Variants in OR6N2 observed in about 807,000 individuals in gnomAD.
OR6N2 encodes olfactory receptor family 6 subfamily N member 2, also known as olfactory receptor 6N2.
For synonymous variants in OR6N2, 160 were observed against 138.3 expected, an observed-to-expected ratio of 1.16 and a Z score of -1.10; for missense variants, 399 against 379.7, an observed-to-expected ratio of 1.05 and a Z score of -0.42.
chr1:158,775,171 G>A lies in OR6N2; in HGVS notation c.*1511C>T, dbSNP rs1001040670. 1.3e-5 allele frequency: 2 copies of A among 152,126 alleles called. No individual in the cohort carries two copies. Among genetic ancestry groups the A allele is most frequent in the Admixed American group, 1.3e-4 (2 of 15,278 alleles). 9.4% of individuals were successfully genotyped at this position (152,126 alleles called of 1,614,324 possible). ...ACACATAAATTGCCATACATATTTTGAAGAGAAGCAAAACATACTTCAGAG... is the reference window on the plus strand; with the variant it reads ...ACACATAAATTGCCATACATATTTTAAAGAGAAGCAAAACATACTTCAGAG... On this transcript the variant is annotated 3_prime_UTR_variant, in exon 2 of 2. Coordinates refer to ENST00000641131, the MANE Select transcript of OR6N2 (RefSeq NM_001005278.2).
At position 158,776,751 on chromosome 1, in the gene OR6N2, C is replaced by T. The variant is rs1657603626; in HGVS notation, c.885G>A (p.Lys295=). 3 of 1,613,636 alleles carry T rather than the reference C, an allele frequency of 1.9e-6. No individual in the cohort carries two copies. In the South Asian group the frequency reaches 3.3e-5, roughly 18 times the overall value. The part of the protein sequence containing the change: ...VNPIIYSLRN[K]EIIKAIKRTI... ...TCCTCTTGATAGCTTTAATGATTTC[C>T]TTGTTACGAAGACTGTAGATAATTG... The change falls in exon 2 of 2, where the codon AAG becomes AAA. Residue 295 remains lysine (K), a synonymous_variant. Transcript: ENST00000641131.
rs1039826916 is a variant in OR6N2, at chr1:158,777,799, G to A, written c.-6-158C>T. Among the ~76,000 whole-genome samples, 3 of 152,074 alleles carry A rather than the reference G, an allele frequency of 2.0e-5. No homozygotes were observed. The East Asian group carries it at 5.8e-4, about 29-fold the overall frequency. On this transcript the variant is annotated intron_variant, in intron 1 of 1. Transcript: ENST00000641131. ...TACTATTACTGTAAAAATATTAATA[G>A]CTAACTCTTATTAGCACTTACTATT...
At chr1:158,777,722 CTTTTT>C (rs1657645480) in intron 1 of OR6N2, 81 bp from the exon 2 acceptor site, 2 of 791,480 alleles carry the variant, frequency 2.5e-6, no homozygotes, top group Non-Finnish European at 4.1e-6. Flanking sequence ...CTCTCTCTCT[CTTTTT>C]AACTTAAAAG....
At chr1:158,780,588 T>G (rs1440357825) in intron 1 of OR6N2, among the ~76,000 whole-genome samples, 1 of 152,220 alleles carries the variant, frequency 6.6e-6, no homozygotes, top group East Asian at 1.9e-4. Flanking sequence ...TTATATGTGC[T>G]CAGAGAACTT....
In OR6N2 at chr1:158,774,573, A is replaced by G. The variant is rs1327062896; in HGVS notation, c.*2109T>C. On this transcript the variant is annotated 3_prime_UTR_variant, in exon 2 of 2. Coordinates refer to ENST00000641131, the MANE Select transcript of OR6N2 (RefSeq NM_001005278.2). ...GTTAGACAGCTAATTATAAACATAC[A>G]TTTATCGTGTGACCTAGCAATCCTA... The G allele has an allele frequency of 6.6e-6, 1 of 152,162 alleles. No homozygotes were observed. Among genetic ancestry groups the G allele is most frequent in the East Asian group, 1.9e-4 (1 of 5,190 alleles). The allele number at this position is 152,162 out of a possible 1,614,324, so 9.4% of individuals were successfully genotyped here.
At chr1:158,779,091 CA>C (rs1657684400) in intron 1 of OR6N2, among the ~76,000 whole-genome samples, 1 of 150,300 alleles carries the variant, frequency 6.7e-6, no homozygotes, top group Admixed American at 6.6e-5. Flanking sequence ...CTTGTGTTTT[CA>C]TAAAATCAAT....
intron 1 of OR6N2, among the ~76,000 whole-genome samples, chr1:158,779,924 C>T (rs1657707530): frequency 6.6e-6 from 1 of 152,170 alleles, no homozygotes; most frequent in African/African-American, 2.4e-5. Context: ...TCTTTGAGAG[C>T]AAATGTAGTA....
In OR6N2 at chr1:158,779,891, G is replaced by T. The variant is rs552969093; in HGVS notation, c.-7+1279C>A. On this transcript the variant is annotated intron_variant, in intron 1 of 1. Coordinates refer to ENST00000641131, the MANE Select transcript of OR6N2 (RefSeq NM_001005278.2). ...ATATTGTTACCTTTTTAACAAGTCT[G>T]TCTTCCCCAAAAATTGTTAAGATCT... Among the ~76,000 whole-genome samples, 3 of 152,210 alleles carry T rather than the reference G, an allele frequency of 2.0e-5. No individual in the cohort carries two copies. In the South Asian group the frequency reaches 6.2e-4, roughly 32 times the overall value.
rs1193534675 is a variant in OR6N2, at chr1:158,774,864, A to G, written c.*1818T>C. ...AGAAAACTGGTGAGTACAAATAGGG[A>G]AGACCGATGCATTCTATAGAACAGT... On this transcript the variant is annotated 3_prime_UTR_variant, in exon 2 of 2. Transcript: ENST00000641131. 6.6e-6 allele frequency: 1 copy of G among 152,208 alleles called. No individual in the cohort carries two copies. The highest frequency in any genetic ancestry group is 1.5e-5 in the Non-Finnish European group (1 of 68,040). The allele number at this position is 152,208 out of a possible 1,614,324, so 9.4% of individuals were successfully genotyped here. A position where few individuals can be genotyped will look rare whatever the true frequency, so the allele number is the denominator to read the frequency against.
In OR6N2 at chr1:158,776,842, CTCT is replaced by C; in HGVS notation, c.791_793del (p.Lys264del). 2 of 1,614,138 alleles carry C rather than the reference CTCT, an allele frequency of 1.2e-6. No homozygotes were observed. Among genetic ancestry groups the C allele is most frequent in the Non-Finnish European group, 1.7e-6 (2 of 1,180,024 alleles). On this transcript the variant is annotated inframe_deletion, in exon 2 of 2. Coordinates refer to ENST00000641131, the MANE Select transcript of OR6N2 (RefSeq NM_001005278.2). Reference sequence around the variant, plus strand: ...TGTTCGGTCAAGGGTCAGGGAATAGCTCTTCTTTAGCCGCACATACATGAAGAT... The same window carrying C: ...TGTTCGGTCAAGGGTCAGGGAATAGCTCTTTAGCCGCACATACATGAAGAT...
intron 1 of OR6N2, among the ~76,000 whole-genome samples, chr1:158,779,992 T>C (rs1558037008): frequency 6.6e-6 from 1 of 152,216 alleles, no homozygotes; most frequent in Non-Finnish European, 1.5e-5. Context: ...CATAGAATTG[T>C]GAAATCAATT....
chr1:158,779,981 G>A (rs1657708920), intron 1 of OR6N2, among the ~76,000 whole-genome samples: 1 of 152,136 alleles, frequency 6.6e-6, no homozygotes, highest in Non-Finnish European at 1.5e-5. Flanking sequence ...GGAACAGTAG[G>A]CATAGAATTG....
Position 158,776,602 on chromosome 1 carries a change from A to G in OR6N2, c.*80T>C. ...AGAGGTGAAAGGAAATGAAATTCAG[A>G]GCATGTGTGATGATGGGAAGATTAC... is the stretch of plus-strand genomic sequence containing the variant. On this transcript the variant is annotated 3_prime_UTR_variant, in exon 2 of 2. Coordinates refer to ENST00000641131, the MANE Select transcript of OR6N2 (RefSeq NM_001005278.2). 1.3e-6 allele frequency: 1 copy of G among 747,832 alleles called. No individual in the cohort carries two copies. The highest frequency in any genetic ancestry group is 2.2e-6 in the Non-Finnish European group (1 of 450,022). The allele number at this position is 747,832 out of a possible 1,614,324, so 46.3% of individuals were successfully genotyped here. A position where few individuals can be genotyped will look rare whatever the true frequency, so the allele number is the denominator to read the frequency against.
In OR6N2 at chr1:158,775,581, A is replaced by G. The variant is rs1025486819; in HGVS notation, c.*1101T>C. 1 of 152,228 alleles carries G rather than the reference A, an allele frequency of 6.6e-6. No homozygotes were observed. The highest frequency in any genetic ancestry group is 1.5e-5 in the Non-Finnish European group (1 of 68,030). 9.4% of individuals were successfully genotyped at this position (152,228 alleles called of 1,614,324 possible). A position where few individuals can be genotyped will look rare whatever the true frequency, so the allele number is the denominator to read the frequency against. ...ATTCAGATTTCAAATACATTACTTTATATTTTATGTGGAAAATATATTAGA... is the reference window on the plus strand; with the variant it reads ...ATTCAGATTTCAAATACATTACTTTGTATTTTATGTGGAAAATATATTAGA... On this transcript the variant is annotated 3_prime_UTR_variant, in exon 2 of 2. Coordinates refer to ENST00000641131, the MANE Select transcript of OR6N2 (RefSeq NM_001005278.2).
intron 1 of OR6N2, 34 bp from the exon 2 acceptor site, chr1:158,777,675 T>C (rs1047766676): frequency 3.8e-6 from 5 of 1,321,312 alleles, no homozygotes; most frequent in Non-Finnish European, 3.2e-6. Context: ...AAACATTGGA[T>C]TGAGATGACT....
Position 158,777,495 on chromosome 1 carries a change from T to C in OR6N2, c.141A>G (p.Ser47=). 6.2e-7 allele frequency: 1 copy of C among 1,614,178 alleles called. No individual in the cohort carries two copies. Among genetic ancestry groups the C allele is most frequent in the Non-Finnish European group, 8.5e-7 (1 of 1,180,016 alleles). ...FTICGNMLIF[S]VIRLDAALHT... ...GCAGAGCTGCATCCAGTCGGATGAC[T>C]GAGAAGATGAGCATGTTACCACAGA... The change falls in exon 2 of 2, where the codon TCA becomes TCG. Residue 47 remains serine (S), a synonymous_variant. Coordinates refer to ENST00000641131, the MANE Select transcript of OR6N2 (RefSeq NM_001005278.2).
Position 158,774,467 on chromosome 1 carries a change from A to T in OR6N2, c.*2215T>A, listed in dbSNP as rs1657529685. On this transcript the variant is annotated 3_prime_UTR_variant, in exon 2 of 2. Transcript: ENST00000641131. ...TTCCCACAGCTCAGGAAAGCTGCCCAGGCTGAATGAACTCTCACTACACAT... is the reference window on the plus strand; with the variant it reads ...TTCCCACAGCTCAGGAAAGCTGCCCTGGCTGAATGAACTCTCACTACACAT... The T allele has an allele frequency of 6.6e-6, 1 of 152,200 alleles. No individual in the cohort carries two copies. Among genetic ancestry groups the T allele is most frequent in the Non-Finnish European group, 1.5e-5 (1 of 68,052 alleles). 9.4% of individuals were successfully genotyped at this position (152,200 alleles called of 1,614,324 possible). A position where few individuals can be genotyped will look rare whatever the true frequency, so the allele number is the denominator to read the frequency against.
intron 1 of OR6N2, among the ~76,000 whole-genome samples, chr1:158,779,235 G>C (rs1394692934): frequency 6.6e-6 from 1 of 152,048 alleles, no homozygotes; most frequent in East Asian, 1.9e-4. Flanking sequence ...AATTCACAAT[G>C]CAACTTTAAA....
chr1:158,779,966 T>G (rs1469798250), intron 1 of OR6N2, among the ~76,000 whole-genome samples: 2 of 152,246 alleles, frequency 1.3e-5, no homozygotes. Context: ...TCCCTGCTGA[T>G]GCCTGGAACA....
Sources: gnomAD v4.1 joint callset for allele counts (sites outside exome capture counted in the v4.1 genomes callset) on GRCh38, gnomAD v4.1.1 for gene constraint, MANE v1.5 for transcripts, NCBI Gene and HGNC (gene_info 2026-07-23, HGNC 2026-07-21) for gene names.